Variants in HTR4 observed in about 807,000 individuals in gnomAD.
HTR4 encodes the protein 5-hydroxytryptamine receptor 4.
HTR4 carries 16 observed loss-of-function variants against 36.8 expected under a neutral mutation model. The observed-to-expected ratio is 0.43, with a 90% CI of 0.29 to 0.66. HTR4 has a LOEUF of 0.66. HTR4 is among the 30% of genes least tolerant of loss of function. The probability of loss-of-function intolerance (pLI) is 0.13; values close to 1 mark genes in which losing one functional copy is unlikely to be tolerated. For missense variants in HTR4, 438 were observed against 490.9 expected, an observed-to-expected ratio of 0.89 and a Z score of 1.02; for synonymous variants, 189 against 185.1, an observed-to-expected ratio of 1.02 and a Z score of -0.17.
chr5:148,566,869 T>A (rs1417391791), intron 2 of HTR4, among the ~76,000 whole-genome samples: 2 of 152,056 alleles, frequency 1.3e-5, no homozygotes, highest in Non-Finnish European at 2.9e-5. Context: ...GATATTAATC[T>A]AAAAAAATTT....
At chr5:148,644,398 G>C (rs1422805042) in intron 1 of HTR4, among the ~76,000 whole-genome samples, 1 of 124,304 alleles carries the variant, frequency 8.0e-6, no homozygotes, top group Non-Finnish European at 1.6e-5. Flanking sequence ...CTTTTTAAAA[G>C]ATGAATAGGT....
At chr5:148,484,329 G>C (rs1289346754) in intron 6 of HTR4, 2 of 1,613,344 alleles carry the variant, frequency 1.2e-6, no homozygotes, top group East Asian at 4.5e-5. Context: ...CGCTCTGGCA[G>C]GCTTTGTCCA....
At position 148,550,244 on chromosome 5, in the gene HTR4, C is replaced by A; in HGVS notation, c.45G>T (p.Gly15=). Residue 15 remains glycine (G), a synonymous_variant, in exon 3 of 7, where the codon GGG becomes GGT. Transcript: ENST00000377888. ...TGAGCAGCACCACCTTCTCCACTGACCCGAAACCCTCCTCAGAACTGAAAG... is the reference window on the plus strand; with the variant it reads ...TGAGCAGCACCACCTTCTCCACTGAACCGAAACCCTCCTCAGAACTGAAAG... ...DANVSSEEGF[G]SVEKVVLLTF... is the part of the protein sequence containing the mutation. 1 of 1,614,112 alleles carries A rather than the reference C, an allele frequency of 6.2e-7. No individual in the cohort carries two copies. Among genetic ancestry groups the A allele is most frequent in the Middle Eastern group, 1.6e-4 (1 of 6,062 alleles).
At chr5:148,479,773 T>C (rs1443002545), downstream of HTR4, among the ~76,000 whole-genome samples, 1 of 152,218 alleles carries the variant, frequency 6.6e-6, no homozygotes, top group Non-Finnish European at 1.5e-5. Context: ...GAGAATTAAG[T>C]TTCATGTTCT....
intron 5 of HTR4, among the ~76,000 whole-genome samples, chr5:148,512,392 T>G (rs184484688): frequency 6.6e-5 from 10 of 152,348 alleles, no homozygotes; most frequent in Non-Finnish European, 8.8e-5. Context: ...TCCTGTCTTT[T>G]GAATTGATTA....
At chr5:148,558,921 T>C (rs1185020137) in intron 2 of HTR4, among the ~76,000 whole-genome samples, 2 of 152,214 alleles carry the variant, frequency 1.3e-5, no homozygotes, top group Non-Finnish European at 2.9e-5. Context: ...TGGGGTTACC[T>C]CCCAGTAAAC....
At chr5:148,523,564 G>T (rs553538259) in intron 4 of HTR4, among the ~76,000 whole-genome samples, 1 of 152,046 alleles carries the variant, frequency 6.6e-6, no homozygotes, top group East Asian at 1.9e-4. Flanking sequence ...AAGTGGCAGA[G>T]GAAGGGAAAA....
At chr5:148,518,719 G>C (rs553123713) in intron 5 of HTR4, among the ~76,000 whole-genome samples, 1 of 152,204 alleles carries the variant, frequency 6.6e-6, no homozygotes, top group East Asian at 1.9e-4. Flanking sequence ...GCTCACTGCT[G>C]TCTGTAATCT....
chr5:148,541,797 A>G (rs1390745938), intron 4 of HTR4, among the ~76,000 whole-genome samples: 2 of 152,120 alleles, frequency 1.3e-5, no homozygotes, highest in African/African-American at 4.8e-5. Flanking sequence ...GGGCTTTCCT[A>G]TGGGTTTTCA....
chr5:148,572,394 G>A (rs1760711468), intron 2 of HTR4, among the ~76,000 whole-genome samples: 1 of 152,072 alleles, frequency 6.6e-6, no homozygotes, highest in Non-Finnish European at 1.5e-5. Context: ...CACATGGCTG[G>A]TAGATAGTCC....
chr5:148,600,379 A>C (rs1489632255), intron 2 of HTR4, among the ~76,000 whole-genome samples: 1 of 148,852 alleles, frequency 6.7e-6, no homozygotes, highest in Non-Finnish European at 1.5e-5. Flanking sequence ...TGGGGGCCTA[A>C]TCAGCACCAG....
At chr5:148,579,270 C>T (rs1444950953) in intron 2 of HTR4, among the ~76,000 whole-genome samples, 1 of 151,908 alleles carries the variant, frequency 6.6e-6, no homozygotes, top group African/African-American at 2.4e-5. Context: ...AAATTTTTGG[C>T]AATTTATTTT....
intron 5 of HTR4, among the ~76,000 whole-genome samples, chr5:148,512,818 C>T (rs922897768): frequency 6.6e-6 from 1 of 151,988 alleles, no homozygotes; most frequent in African/African-American, 2.4e-5. Flanking sequence ...TGAATTCTAG[C>T]TCCTAGGGTG....
In HTR4 at chr5:148,624,918, C is replaced by T. The variant is rs541813866; in HGVS notation, c.26+12071G>A. 3.3e-4 allele frequency among the ~76,000 whole-genome samples: 51 copies of T among 152,252 alleles called. No individual in the cohort carries two copies. The Middle Eastern group carries it at 0.014, about 41-fold the overall frequency. On this transcript the variant is annotated intron_variant, in intron 2 of 6. Coordinates refer to ENST00000377888, the MANE Select transcript of HTR4 (RefSeq NM_000870.7). ...GATGTCAGACTAAATACCAGGCATACGAAGTCCAGCAGAGGAGGCAGGCAT... is the reference window on the plus strand; with the variant it reads ...GATGTCAGACTAAATACCAGGCATATGAAGTCCAGCAGAGGAGGCAGGCAT...
At chr5:148,609,961 A>G (rs1278673808) in intron 2 of HTR4, among the ~76,000 whole-genome samples, 2 of 152,176 alleles carry the variant, frequency 1.3e-5, no homozygotes, top group Non-Finnish European at 2.9e-5. Flanking sequence ...TTGACTCCAG[A>G]GAAGAATAAA....
intron 5 of HTR4, among the ~76,000 whole-genome samples, chr5:148,517,518 C>T (rs1182917024): frequency 3.3e-5 from 5 of 152,122 alleles, no homozygotes; most frequent in Non-Finnish European, 7.4e-5. Context: ...TATAAACTTA[C>T]ACACAGTATT....
intron 2 of HTR4, among the ~76,000 whole-genome samples, chr5:148,591,485 G>C (rs1390675638): frequency 1.3e-5 from 2 of 152,010 alleles, no homozygotes; most frequent in African/African-American, 4.8e-5. Flanking sequence ...TTTTCCATTT[G>C]TTTGTGTCAT....
At chr5:148,474,036 G>A (rs867628462), downstream of HTR4, among the ~76,000 whole-genome samples, 12 of 152,118 alleles carry the variant, frequency 7.9e-5, no homozygotes, top group South Asian at 1.5e-3. Context: ...GTGCTGAGGA[G>A]AGGAGATGCA....
intron 6 of HTR4, among the ~76,000 whole-genome samples, chr5:148,484,849 A>G (rs1330342321): frequency 6.6e-6 from 1 of 152,210 alleles, no homozygotes; most frequent in Non-Finnish European, 1.5e-5. Flanking sequence ...ATGCCATTTT[A>G]AAGTGTAAAC....
Sources: gnomAD v4.1 joint callset for allele counts (sites outside exome capture counted in the v4.1 genomes callset) on GRCh38, gnomAD v4.1.1 for gene constraint, MANE v1.5 for transcripts, NCBI Gene and HGNC (gene_info 2026-07-23, HGNC 2026-07-21) for gene names.